Variants in SYNJ2BP observed in about 807,000 individuals in gnomAD.
SYNJ2BP encodes the protein synaptojanin-2-binding protein.
SYNJ2BP carries 10 observed loss-of-function variants against 16.9 expected under a neutral mutation model. The observed-to-expected ratio is 0.59, with a 90% CI of 0.36 to 1.00. The LOEUF is 1.00. SYNJ2BP is among the 50% of genes least tolerant of loss of function. SYNJ2BP has a pLI of 0.01. For synonymous variants in SYNJ2BP, 54 were observed against 68.4 expected (o/e 0.79, Z 1.04); for missense variants, 162 against 186.7 (o/e 0.87, Z 0.77).
At chr14:70,374,881 TC>T (rs1311976935) in intron 3 of SYNJ2BP, among the ~76,000 whole-genome samples, 1 of 152,076 alleles carries the variant, frequency 6.6e-6, no homozygotes, top group African/African-American at 2.4e-5. Flanking sequence ...TTTTTTACCA[TC>T]TTTTTAATTA....
rs370608349 is a variant in SYNJ2BP at position 70,416,869 on chromosome 14, T to C, written c.64+31A>G. 67 of 1,614,066 alleles carry C rather than the reference T, an allele frequency of 4.2e-5. No homozygotes were observed. The African/African-American group carries it at 8.4e-4, about 20-fold the overall frequency. Reference sequence around the variant, plus strand: ...TCTGCAATTACACCCTCTAATCCCCTACTGTCAGATATGACCCTTTCCGCA... The same window carrying C: ...TCTGCAATTACACCCTCTAATCCCCCACTGTCAGATATGACCCTTTCCGCA... On this transcript the variant is annotated intron_variant, in intron 1 of 3. Coordinates refer to ENST00000256366, the MANE Select transcript of SYNJ2BP (RefSeq NM_018373.3).
At chr14:70,403,877 T>C (rs987302827) in intron 1 of SYNJ2BP, among the ~76,000 whole-genome samples, 9 of 152,198 alleles carry the variant, frequency 5.9e-5, no homozygotes, top group Non-Finnish European at 1.2e-4. Context: ...AGTAACAAAA[T>C]GGCTTTAAAG....
intron 1 of SYNJ2BP, among the ~76,000 whole-genome samples, chr14:70,408,437 G>A (rs557365024): frequency 3.9e-5 from 6 of 152,214 alleles, no homozygotes; most frequent in East Asian, 1.9e-4. Context: ...TTGGGAGGCC[G>A]AGATGGGTGG....
At chr14:70,400,417 C>A (rs1888210217) in intron 1 of SYNJ2BP, among the ~76,000 whole-genome samples, 1 of 152,150 alleles carries the variant, frequency 6.6e-6, no homozygotes, top group Non-Finnish European at 1.5e-5. Flanking sequence ...GAAGACTAAA[C>A]CCTATCTTTA....
intron 3 of SYNJ2BP, 123 bp from the exon 4 acceptor site, chr14:70,373,254 T>G: frequency 7.9e-7 from 1 of 1,261,664 alleles, no homozygotes; most frequent in Non-Finnish European, 1.1e-6. Flanking sequence ...CCCCCAGCAA[T>G]ACCTAGCAGA....
intron 1 of SYNJ2BP, among the ~76,000 whole-genome samples, chr14:70,403,516 T>C (rs951066810): frequency 6.6e-6 from 1 of 152,282 alleles, no homozygotes; most frequent in African/African-American, 2.4e-5. Flanking sequence ...GTAAAGAAGC[T>C]GGCCAAAAGC....
intron 1 of SYNJ2BP, among the ~76,000 whole-genome samples, chr14:70,410,306 C>A (rs891585791): frequency 6.6e-6 from 1 of 152,108 alleles, no homozygotes; most frequent in Non-Finnish European, 1.5e-5. Flanking sequence ...CACCTGTAGT[C>A]CCAGCTACTT....
At chr14:70,389,562 G>A (rs764786208) in intron 1 of SYNJ2BP, among the ~76,000 whole-genome samples, 4 of 151,960 alleles carry the variant, frequency 2.6e-5, no homozygotes, top group Non-Finnish European at 4.4e-5. Context: ...AAATGCTTAG[G>A]ACCAAATGTG....
intron 2 of SYNJ2BP, 127 bp from the exon 3 acceptor site, chr14:70,375,898 C>A: frequency 8.5e-7 from 1 of 1,171,560 alleles, no homozygotes; most frequent in Non-Finnish European, 1.2e-6. Flanking sequence ...GGAGTATGGG[C>A]AAAGTTACTT....
At chr14:70,412,107 T>C (rs57439677) in intron 1 of SYNJ2BP, among the ~76,000 whole-genome samples, 1 of 152,188 alleles carries the variant, frequency 6.6e-6, no homozygotes, top group Non-Finnish European at 1.5e-5. Context: ...ATCTTGATTT[T>C]AGGTACTCAC....
rs1368168306 is a variant in SYNJ2BP at position 70,372,199 on chromosome 14, T to TGGACTCAAGCAATCTCCC, written c.*774_*791dup. The TGGACTCAAGCAATCTCCC allele has an allele frequency of 2.0e-5, 3 of 152,160 alleles. No individual in the cohort carries two copies. Among genetic ancestry groups the TGGACTCAAGCAATCTCCC allele is most frequent in the Non-Finnish European group, 4.4e-5 (3 of 68,012 alleles). The allele number at this position is 152,160 out of a possible 1,614,324, so 9.4% of individuals were successfully genotyped here. On this transcript the variant is annotated 3_prime_UTR_variant, in exon 4 of 4. Transcript: ENST00000256366. ...TGCTATGTTGCCCAGGCTGGTCTCC[T>TGGACTCAAGCAATCTCCC]GGACTCAAGCAATCTCCCACTTCAG...
rs1209849600 is a variant in SYNJ2BP at position 70,371,282 on chromosome 14, A to G, written c.*1709T>C. ...ATCCATTCATTCATATCCTCCTCCT[A>G]GGCCGCATGAAACACCTACCACATT... On this transcript the variant is annotated 3_prime_UTR_variant, in exon 4 of 4. Transcript: ENST00000256366. 1 of 152,184 alleles carries G rather than the reference A, an allele frequency of 6.6e-6. No homozygotes were observed. Among genetic ancestry groups the G allele is most frequent in the African/African-American group, 2.4e-5 (1 of 41,432 alleles). The allele number at this position is 152,184 out of a possible 1,614,324, so 9.4% of individuals were successfully genotyped here.
chr14:70,413,784 C>T lies in SYNJ2BP; in HGVS notation c.64+3116G>A, dbSNP rs893410865. 2.5e-4 allele frequency among the ~76,000 whole-genome samples: 38 copies of T among 152,288 alleles called. 1 individual carries two copies. Among genetic ancestry groups the T allele is most frequent in the Admixed American group, 1.6e-3 (25 of 15,298 alleles). ...TAAGCAGATCAGTCAGGAACAGGTTCGACTGCCTTATAATATGGGCCCAAA... is the reference window on the plus strand; with the variant it reads ...TAAGCAGATCAGTCAGGAACAGGTTTGACTGCCTTATAATATGGGCCCAAA... On this transcript the variant is annotated intron_variant, in intron 1 of 3. Coordinates refer to ENST00000256366, the MANE Select transcript of SYNJ2BP (RefSeq NM_018373.3).
At chr14:70,404,175 T>TAAA in intron 1 of SYNJ2BP, among the ~76,000 whole-genome samples, 1 of 149,454 alleles carries the variant, frequency 6.7e-6, no homozygotes. Context: ...AATGAAAAAT[T>TAAA]AAAAAAAAAA....
intron 1 of SYNJ2BP, 143 bp from the exon 2 acceptor site, chr14:70,388,749 G>A: frequency 7.9e-7 from 1 of 1,259,632 alleles, no homozygotes; most frequent in Non-Finnish European, 1.0e-6. Context: ...CTGTGATGGA[G>A]CTGGTGAATG....
intron 2 of SYNJ2BP, among the ~76,000 whole-genome samples, chr14:70,382,975 T>C (rs544608317): frequency 2.1e-4 from 32 of 152,328 alleles, no homozygotes; most frequent in Admixed American, 7.2e-4. Context: ...CTCAATTTAA[T>C]ACGCAATAGA....
At position 70,373,049 on chromosome 14, in the gene SYNJ2BP, A is replaced by C. The variant is rs1242415131; in HGVS notation, c.380T>G (p.Val127Gly). ...GIPIFMVLVPVFALTMVAAWA... is the reference protein window; with the variant it reads ...GIPIFMVLVPGFALTMVAAWA... The stretch of plus-strand genomic sequence containing the variant: ...GGCTGCTACCATGGTGAGGGCAAAC[A>C]CTGGCACCAGCACCATAAATATGGG... Residue 127 changes from valine to glycine, a missense_variant, in exon 4 of 4, where the codon GTG becomes GGG. Val to Gly is a moderately radical substitution (Grantham distance 109). Transcript: ENST00000256366. 1 of 1,614,054 alleles carries C rather than the reference A, an allele frequency of 6.2e-7. No homozygotes were observed. Among genetic ancestry groups the C allele is most frequent in the Non-Finnish European group, 8.5e-7 (1 of 1,180,042 alleles).
chr14:70,372,898 T>C lies in SYNJ2BP; in HGVS notation c.*93A>G. On this transcript the variant is annotated 3_prime_UTR_variant, in exon 4 of 4. Transcript: ENST00000256366. The stretch of plus-strand genomic sequence containing the variant: ...GGGTATCAGTCACTTCAAATCTGGC[T>C]ATGCAGAGAGAGGGAAAGACATGGC... 9 of 1,556,970 alleles carry C rather than the reference T, an allele frequency of 5.8e-6. No homozygotes were observed. In the South Asian group the frequency reaches 9.7e-5, roughly 17 times the overall value.
intron 3 of SYNJ2BP, 127 bp downstream of exon 3, chr14:70,375,549 C>A (rs1247264547): frequency 8.1e-7 from 1 of 1,234,404 alleles, no homozygotes; most frequent in Non-Finnish European, 1.1e-6. Flanking sequence ...CCTCCCTTTG[C>A]CTGAGAAACT....
Sources: allele counts gnomAD v4.1 joint callset (sites outside exome capture counted in the v4.1 genomes callset), GRCh38; gene constraint gnomAD v4.1.1; transcripts MANE v1.5; gene names NCBI Gene and HGNC (gene_info 2026-07-23, HGNC 2026-07-21).